The following RGS6 variants were observed in gnomAD, a reference collection of about 807,000 sequenced individuals.
RGS6 encodes the protein regulator of G protein signaling 6.
In RGS6, 30 loss-of-function variants were observed where a neutral mutation model predicts 78.5. The observed-to-expected ratio is 0.38, with a 90% CI of 0.29 to 0.52. The LOEUF (loss-of-function observed/expected upper bound fraction) is 0.52. Ranked by LOEUF, RGS6 falls within the 20% of genes least tolerant of loss-of-function variation. The probability of loss-of-function intolerance (pLI) is 0.85; values close to 1 mark genes in which losing one functional copy is unlikely to be tolerated. For synonymous variants in RGS6, 206 were observed against 206.0 expected (o/e 1.00, Z 0.00); for missense variants, 495 against 609.7 (o/e 0.81, Z 1.98).
intron 2 of RGS6, among the ~76,000 whole-genome samples, chr14:72,086,244 T>C (rs2095035990): frequency 6.6e-6 from 1 of 152,336 alleles, no homozygotes; most frequent in South Asian, 2.1e-4. Context: ...TTCAAAAGTG[T>C]TCTGGGTCCA....
chr14:72,455,791 G>T (rs1055157281), intron 4 of RGS6, among the ~76,000 whole-genome samples: 1 of 152,166 alleles, frequency 6.6e-6, no homozygotes, highest in African/African-American at 2.4e-5. Flanking sequence ...GGAAAGCCTG[G>T]ACTGAATCAG....
chr14:72,450,629 T>C (rs2095470311), intron 3 of RGS6, among the ~76,000 whole-genome samples: 1 of 152,218 alleles, frequency 6.6e-6, no homozygotes, highest in Admixed American at 6.5e-5. Flanking sequence ...GTTGTTTTAT[T>C]AACTTTAAGT....
the RGS6 span, among the ~76,000 whole-genome samples, chr14:71,881,124 C>T: frequency 6.6e-6 from 1 of 152,076 alleles, no homozygotes; most frequent in African/African-American, 2.4e-5. Flanking sequence ...ACCTTCAGCC[C>T]CTTCATTTTG....
At position 72,056,340 on chromosome 14, in the gene RGS6, T is replaced by TGTTA. The variant is rs1259908928; in HGVS notation, c.84+91466_84+91469dup. Among the ~76,000 whole-genome samples the TGTTA allele has an allele frequency of 4.6e-5, 7 of 152,280 alleles. No individual in the cohort carries two copies. The East Asian group carries it at 1.4e-3, about 29-fold the overall frequency. On this transcript the variant is annotated intron_variant, in intron 2 of 17. Coordinates refer to ENST00000553525, the MANE Select transcript of RGS6 (RefSeq NM_001204424.2). Reference sequence around the variant, plus strand: ...TTAGGAAAGTCTGCTTTGGAACATGTGTTATCTTCTCTATACTTACATTCT... The same window carrying TGTTA: ...TTAGGAAAGTCTGCTTTGGAACATGTGTTAGTTATCTTCTCTATACTTACATTCT...
intron 17 of RGS6, chr14:72,550,417 C>T (rs2097487753): frequency 1.3e-6 from 2 of 1,509,006 alleles, no homozygotes; most frequent in African/African-American, 1.4e-5. Context: ...TTTGTTTGCA[C>T]TAAGCACCAA....
intron 1 of RGS6, among the ~76,000 whole-genome samples, chr14:71,956,327 AAT>A (rs1268104378): frequency 9.7e-6 from 1 of 103,072 alleles, no homozygotes; most frequent in African/African-American, 4.1e-5. Flanking sequence ...GGACAGAACT[AAT>A]AGTGTGTGTG....
the RGS6 span, among the ~76,000 whole-genome samples, chr14:71,899,813 C>T: frequency 3.9e-5 from 6 of 152,164 alleles, no homozygotes; most frequent in East Asian, 1.2e-3. Context: ...ACAGTTTTGC[C>T]CATTCTGCTA....
At chr14:71,905,983 C>T in the RGS6 span, among the ~76,000 whole-genome samples, 35 of 152,282 alleles carry the variant, frequency 2.3e-4, no homozygotes, top group South Asian at 6.8e-3. Flanking sequence ...ATGGGATAGG[C>T]ACAGAAGCCA....
At chr14:72,244,004 T>TG (rs967456028) in intron 2 of RGS6, among the ~76,000 whole-genome samples, 29 of 152,312 alleles carry the variant, frequency 1.9e-4, no homozygotes, top group African/African-American at 6.5e-4. Flanking sequence ...ACTCTAATTA[T>TG]GTATAGAAGA....
intron 2 of RGS6, among the ~76,000 whole-genome samples, chr14:72,017,570 AG>A (rs1188074483): frequency 6.6e-6 from 1 of 152,168 alleles, no homozygotes; most frequent in East Asian, 1.9e-4. Context: ...GAGACTACCT[AG>A]TTTGCAAAGC....
At chr14:71,928,320 T>C (rs1215475778), upstream of RGS6, among the ~76,000 whole-genome samples, 1 of 152,242 alleles carries the variant, frequency 6.6e-6, no homozygotes, top group East Asian at 1.9e-4. Context: ...GAATCTTTTC[T>C]CCTTTTATTG....
At chr14:72,265,894 T>C (rs558194750) in intron 2 of RGS6, among the ~76,000 whole-genome samples, 10 of 148,360 alleles carry the variant, frequency 6.7e-5, no homozygotes, top group South Asian at 4.5e-4. Context: ...ATTTCAGCCT[T>C]TATTAACCTT....
chr14:72,548,949 G>C (rs1052193994), intron 17 of RGS6, among the ~76,000 whole-genome samples: 1 of 152,224 alleles, frequency 6.6e-6, no homozygotes, highest in Non-Finnish European at 1.5e-5. Flanking sequence ...TGCAGAGTAG[G>C]TTTCTACACC....
intron 2 of RGS6, among the ~76,000 whole-genome samples, chr14:72,228,796 AG>A (rs2048801337): frequency 6.6e-6 from 1 of 152,258 alleles, no homozygotes; most frequent in Admixed American, 6.5e-5. Flanking sequence ...CTGTAATCCC[AG>A]CACTTTGGGA....
In RGS6 at chr14:72,195,795, A is replaced by T. The variant is rs536278059; in HGVS notation, c.85-156300A>T. Among the ~76,000 whole-genome samples, 195 of 152,340 alleles carry T rather than the reference A, an allele frequency of 1.3e-3. 2 individuals carry two copies. Among genetic ancestry groups the T allele is most frequent in the Non-Finnish European group, 5.7e-4 (39 of 68,046 alleles). ...GTGGCCTCTCCCTGTGTGCCCACGG[A>T]AACACCAGGGCTGAGCCCTTTGCGT... On this transcript the variant is annotated intron_variant, in intron 2 of 17. Coordinates refer to ENST00000553525, the MANE Select transcript of RGS6 (RefSeq NM_001204424.2).
At chr14:72,382,795 A>G (rs1475050473) in intron 3 of RGS6, among the ~76,000 whole-genome samples, 1 of 152,228 alleles carries the variant, frequency 6.6e-6, no homozygotes, top group African/African-American at 2.4e-5. Context: ...TTCAAAAACA[A>G]TATTCCTGAG....
chr14:72,406,285 G>A (rs1204078876), intron 3 of RGS6, among the ~76,000 whole-genome samples: 1 of 152,174 alleles, frequency 6.6e-6, no homozygotes, highest in East Asian at 1.9e-4. Flanking sequence ...TTGGGAGGCT[G>A]AGGCAGGAGA....
At chr14:72,391,574 T>C (rs545161421) in intron 3 of RGS6, among the ~76,000 whole-genome samples, 1 of 152,328 alleles carries the variant, frequency 6.6e-6, no homozygotes, top group South Asian at 2.1e-4. Context: ...CTCCATCTCC[T>C]TTATCCATTT....
intron 2 of RGS6, among the ~76,000 whole-genome samples, chr14:72,260,979 T>C (rs2153885499): frequency 6.6e-6 from 1 of 152,230 alleles, no homozygotes; most frequent in East Asian, 1.9e-4. Context: ...TGTCCAGAGG[T>C]GGCCTTTTGG....
Sources: gnomAD v4.1 joint callset for allele counts (sites outside exome capture counted in the v4.1 genomes callset) on GRCh38, gnomAD v4.1.1 for gene constraint, MANE v1.5 for transcripts, NCBI Gene and HGNC (gene_info 2026-07-23, HGNC 2026-07-21) for gene names.